Variants in NBEA observed in about 807,000 individuals in gnomAD.
NBEA encodes the protein neurobeachin, also known as lysosomal-trafficking regulator 2.
In NBEA, 44 loss-of-function variants were observed where a neutral mutation model predicts 343.4. That is an observed-to-expected ratio of 0.13 (90% confidence interval 0.10 to 0.16). NBEA has a LOEUF of 0.16. Among genes scored for constraint, NBEA ranks in the 10% least tolerant of loss-of-function variants. The pLI is 1.00. For synonymous variants in NBEA, 1,175 were observed against 1,238.7 expected, an observed-to-expected ratio of 0.95 and a Z score of 1.08; for missense variants, 2,555 against 3,631.3, an observed-to-expected ratio of 0.70 and a Z score of 7.62.
At chr13:35,634,340 GA>G (rs1260862020) in intron 49 of NBEA, among the ~76,000 whole-genome samples, 3 of 151,514 alleles carry the variant, frequency 2.0e-5, no homozygotes, top group East Asian at 1.9e-4. Flanking sequence ...GAGACTATCT[GA>G]AAAAAAAGTT....
intron 8 of NBEA, among the ~76,000 whole-genome samples, chr13:35,062,341 G>A (rs922326846): frequency 2.6e-5 from 4 of 151,590 alleles, no homozygotes; most frequent in African/African-American, 9.7e-5. Flanking sequence ...AAAGATTGGG[G>A]TAAAAAAATA....
At chr13:35,139,479 T>C (rs1025171187) in intron 17 of NBEA, among the ~76,000 whole-genome samples, 1 of 152,168 alleles carries the variant, frequency 6.6e-6, no homozygotes, top group African/African-American at 2.4e-5. Context: ...ATTACAAGAT[T>C]CTGTAAAAAA....
intron 40 of NBEA, among the ~76,000 whole-genome samples, chr13:35,467,978 T>TC (rs926992894): frequency 9.9e-5 from 15 of 152,180 alleles, no homozygotes; most frequent in Admixed American, 2.0e-4. Flanking sequence ...CTCTTTTTTT[T>TC]CCATACGTAG....
chr13:34,989,020 G>A (rs1412975497), intron 1 of NBEA, among the ~76,000 whole-genome samples: 1 of 150,352 alleles, frequency 6.7e-6, no homozygotes, highest in African/African-American at 2.4e-5. Flanking sequence ...TTTTCTTCCT[G>A]TGTACCTCCT....
At chr13:35,416,265 T>G (rs1301354509) in intron 38 of NBEA, among the ~76,000 whole-genome samples, 1 of 152,180 alleles carries the variant, frequency 6.6e-6, no homozygotes, top group Non-Finnish European at 1.5e-5. Flanking sequence ...GAACTTCTAA[T>G]ACTATATCGA....
intron 27 of NBEA, among the ~76,000 whole-genome samples, chr13:35,174,125 G>GC (rs2070692136): frequency 1.3e-5 from 2 of 152,056 alleles, no homozygotes. Context: ...GCAGCTCTCA[G>GC]CCCTTTACCC....
chr13:35,616,145 A>G (rs1188654924), intron 48 of NBEA, among the ~76,000 whole-genome samples: 2 of 152,142 alleles, frequency 1.3e-5, no homozygotes, highest in East Asian at 3.9e-4. Context: ...GGTTCATGGA[A>G]ACTCTGAACC....
In NBEA at chr13:35,060,705, A is replaced by G. The variant is rs545840497; in HGVS notation, c.1239+1842A>G. ...ACAGGCATCAGCAAAAATTTTTTAT[A>G]TTAAAAAGCTTTTTTTTTCAGAAAT... is the stretch of plus-strand genomic sequence containing the variant. On this transcript the variant is annotated intron_variant, in intron 8 of 58. Coordinates refer to ENST00000379939, the MANE Select transcript of NBEA (RefSeq NM_001385012.1). 5.0e-3 allele frequency among the ~76,000 whole-genome samples: 664 copies of G among 132,054 alleles called. 4 individuals carry two copies. Among genetic ancestry groups the G allele is most frequent in the Non-Finnish European group, 9.6e-3 (556 of 57,698 alleles). 86.6% of individuals were successfully genotyped at this position (132,054 alleles called of 152,430 possible).
intron 1 of NBEA, among the ~76,000 whole-genome samples, chr13:35,032,065 G>A (rs2062244487): frequency 6.6e-6 from 1 of 151,662 alleles, no homozygotes; most frequent in African/African-American, 2.4e-5. Flanking sequence ...GGGCATTTAG[G>A]TTGATTCCAT....
chr13:35,403,757 GATCTA>G (rs1374017498), intron 38 of NBEA, among the ~76,000 whole-genome samples: 1 of 151,828 alleles, frequency 6.6e-6, no homozygotes, highest in African/African-American at 2.4e-5. Context: ...TGACAAATGG[GATCTA>G]ATTAAACTAA....
chr13:35,254,324 CTT>C (rs377465927), intron 34 of NBEA, among the ~76,000 whole-genome samples: 692 of 132,752 alleles, frequency 5.2e-3, no homozygotes, highest in African/African-American at 9.5e-3. Context: ...TTATTTTTTA[CTT>C]TTTTTTTTTT....
At position 35,444,534 on chromosome 13, in the gene NBEA, C is replaced by T. The variant is rs1442679759; in HGVS notation, c.6305-7558C>T. ...AAGCTAAAAAAATATTGAGAAATGG[C>T]GTATAATGAAAAGAATTTCTTCTTT... is the stretch of plus-strand genomic sequence containing the variant. On this transcript the variant is annotated intron_variant, in intron 39 of 58. Transcript: ENST00000379939. 3.3e-5 allele frequency among the ~76,000 whole-genome samples: 5 copies of T among 152,002 alleles called. No homozygotes were observed. The East Asian group carries it at 5.8e-4, about 18-fold the overall frequency.
chr13:35,441,316 C>A (rs187696712), intron 39 of NBEA, among the ~76,000 whole-genome samples: 1 of 152,112 alleles, frequency 6.6e-6, no homozygotes, highest in Non-Finnish European at 1.5e-5. Context: ...ATGATTTTCT[C>A]CCTCACATTT....
intron 41 of NBEA, chr13:35,476,463 C>T: frequency 1.2e-6 from 1 of 815,472 alleles, no homozygotes; most frequent in South Asian, 1.5e-5. Flanking sequence ...GTGAGAGAAC[C>T]GCATGGAGAG....
intron 30 of NBEA, chr13:35,185,777 G>A (rs1394617046): frequency 6.6e-6 from 1 of 152,058 alleles, no homozygotes; most frequent in African/African-American, 2.4e-5. Flanking sequence ...AGGCCAATGT[G>A]GTAAACTTGC....
chr13:34,996,579 A>G (rs1253352564), intron 1 of NBEA, among the ~76,000 whole-genome samples: 3 of 152,226 alleles, frequency 2.0e-5, no homozygotes, highest in South Asian at 2.1e-4. Context: ...ACATCTATCT[A>G]TTGAGTGGTC....
At chr13:35,624,044 G>T (rs1343736559) in intron 48 of NBEA, among the ~76,000 whole-genome samples, 1 of 124,028 alleles carries the variant, frequency 8.1e-6, no homozygotes, top group Non-Finnish European at 1.7e-5. Flanking sequence ...GTATATGCCT[G>T]TGTGTGTGTG....
intron 34 of NBEA, among the ~76,000 whole-genome samples, chr13:35,272,264 A>C (rs1356374385): frequency 6.6e-6 from 1 of 152,204 alleles, no homozygotes; most frequent in Admixed American, 6.5e-5. Flanking sequence ...TAACCTTCGT[A>C]AGTGAAGGAG....
intron 1 of NBEA, among the ~76,000 whole-genome samples, chr13:35,005,307 G>A (rs893429095): frequency 4.6e-5 from 7 of 151,730 alleles, no homozygotes; most frequent in Non-Finnish European, 8.8e-5. Context: ...TTAAAAGACT[G>A]GAGTTTTCAA....
Sources: allele counts gnomAD v4.1 joint callset (sites outside exome capture counted in the v4.1 genomes callset), GRCh38; gene constraint gnomAD v4.1.1; transcripts MANE v1.5; gene names NCBI Gene and HGNC (gene_info 2026-07-23, HGNC 2026-07-21).